OSTM1: variants seen among roughly 807,000 people sequenced by gnomAD.
OSTM1 encodes the protein osteoclastogenesis associated transmembrane protein 1, also known as osteopetrosis-associated transmembrane protein 1.
Under a neutral mutation model 35.4 loss-of-function variants are expected in OSTM1, and 26 were observed. The ratio of observed to expected loss-of-function variants is 0.73; its 90% CI spans 0.54 to 1.02. OSTM1 has a LOEUF of 1.02. Ranked by LOEUF, OSTM1 falls within the 50% of genes least tolerant of loss-of-function variation. The probability of loss-of-function intolerance (pLI) is 0.00; values close to 1 mark genes in which losing one functional copy is unlikely to be tolerated. For missense variants in OSTM1, 366 were observed against 409.6 expected (o/e 0.89, Z 0.92); for synonymous variants, 181 against 165.0 (o/e 1.10, Z -0.75).
intron 2 of OSTM1, among the ~76,000 whole-genome samples, chr6:108,056,361 ACT>A (rs1400130511): frequency 5.9e-5 from 9 of 152,182 alleles, no homozygotes; most frequent in African/African-American, 1.9e-4. Flanking sequence ...TTGAGCCTGC[ACT>A]CTCAAACACT....
intron 1 of OSTM1, among the ~76,000 whole-genome samples, chr6:108,071,654 C>G (rs779915173): frequency 6.6e-6 from 1 of 151,916 alleles, no homozygotes; most frequent in Non-Finnish European, 1.5e-5. Flanking sequence ...ACTCCCAAAC[C>G]AGTCCATATA....
chr6:108,065,360 C>T (rs980074384), intron 1 of OSTM1, among the ~76,000 whole-genome samples: 3 of 151,582 alleles, frequency 2.0e-5, no homozygotes, highest in Non-Finnish European at 2.9e-5. Flanking sequence ...CTGCCTTAGC[C>T]GCCCGAGCAG....
intron 2 of OSTM1, among the ~76,000 whole-genome samples, chr6:108,060,215 A>C (rs977017005): frequency 2.6e-5 from 4 of 152,186 alleles, no homozygotes; most frequent in African/African-American, 9.6e-5. Context: ...AGTAAGTCAT[A>C]TCTAATTGCT....
At chr6:108,057,526 A>G (rs908183995) in intron 2 of OSTM1, among the ~76,000 whole-genome samples, 17 of 152,226 alleles carry the variant, frequency 1.1e-4, no homozygotes, top group African/African-American at 4.1e-4. Context: ...GTGCATTATC[A>G]TGAGAGAGCA....
intron 2 of OSTM1, among the ~76,000 whole-genome samples, chr6:108,063,603 C>A (rs1772324124): frequency 6.6e-6 from 1 of 152,114 alleles, no homozygotes; most frequent in Non-Finnish European, 1.5e-5. Flanking sequence ...CAAAGAATAT[C>A]TAAAAATAGA....
chr6:108,052,106 T>C (rs1772084376), intron 3 of OSTM1, among the ~76,000 whole-genome samples: 1 of 152,188 alleles, frequency 6.6e-6, no homozygotes, highest in South Asian at 2.1e-4. Context: ...AGCCCATTGC[T>C]TGTTTTTCAC....
At chr6:108,062,566 T>C (rs1253680518) in intron 2 of OSTM1, among the ~76,000 whole-genome samples, 1 of 150,226 alleles carries the variant, frequency 6.7e-6, no homozygotes, top group Non-Finnish European at 1.5e-5. Context: ...ATTGTTGTTG[T>C]AGATAGGGTC....
chr6:108,047,909 A>G (rs947285145), intron 5 of OSTM1, among the ~76,000 whole-genome samples: 2 of 152,212 alleles, frequency 1.3e-5, no homozygotes, highest in African/African-American at 4.8e-5. Flanking sequence ...AAGATGCTAA[A>G]CTTTAAAAGT....
At chr6:108,048,201 C>T (rs3800220) in intron 5 of OSTM1, among the ~76,000 whole-genome samples, 1 of 152,002 alleles carries the variant, frequency 6.6e-6, no homozygotes, top group Non-Finnish European at 1.5e-5. Context: ...AAGTAGTGAT[C>T]GAAATTTATA....
Position 108,044,618 on chromosome 6 carries a change from G to A in OSTM1, c.*167C>T, listed in dbSNP as rs1040995803. 2.0e-5 allele frequency: 10 copies of A among 503,918 alleles called. No homozygotes were observed. The highest frequency in any genetic ancestry group is 3.7e-4 in the Middle Eastern group (1 of 2,696). 31.2% of individuals were successfully genotyped at this position (503,918 alleles called of 1,614,324 possible). A position where few individuals can be genotyped will look rare whatever the true frequency, so the allele number is the denominator to read the frequency against. ...AAATATCCAAATCTGTTAGAAAGAA[G>A]TGGAAAAGGAAAGAAAAATCGAAAA... On this transcript the variant is annotated 3_prime_UTR_variant, in exon 6 of 6. Transcript: ENST00000193322.
chr6:108,071,803 T>C (rs1388542745), intron 1 of OSTM1, among the ~76,000 whole-genome samples: 1 of 151,902 alleles, frequency 6.6e-6, no homozygotes, highest in Admixed American at 6.6e-5. Flanking sequence ...ACAAAAAAAG[T>C]TTCCCTGCCT....
At chr6:108,073,282 A>G (rs1447747916) in intron 1 of OSTM1, among the ~76,000 whole-genome samples, 1 of 152,198 alleles carries the variant, frequency 6.6e-6, no homozygotes, top group African/African-American at 2.4e-5. Flanking sequence ...GAACTTTCTC[A>G]TTCTCCAATC....
intron 3 of OSTM1, among the ~76,000 whole-genome samples, chr6:108,051,520 TCATATGCC>T (rs1241212742): frequency 6.6e-6 from 1 of 152,210 alleles, no homozygotes; most frequent in African/African-American, 2.4e-5. Context: ...TAACAATAAT[TCATATGCC>T]AAATGACTAG....
intron 2 of OSTM1, among the ~76,000 whole-genome samples, chr6:108,063,200 G>A (rs1190828946): frequency 6.6e-6 from 1 of 151,904 alleles, no homozygotes; most frequent in African/African-American, 2.4e-5. Flanking sequence ...ATATATTTTT[G>A]TAGAGATGGG....
At chr6:108,052,333 T>A (rs1371439170) in intron 3 of OSTM1, among the ~76,000 whole-genome samples, 1 of 151,036 alleles carries the variant, frequency 6.6e-6, no homozygotes, top group African/African-American at 2.4e-5. Context: ...CTTGGGAGGC[T>A]GAGGCAGGAG....
chr6:108,068,798 T>G (rs186485418), intron 1 of OSTM1, among the ~76,000 whole-genome samples: 3 of 151,664 alleles, frequency 2.0e-5, no homozygotes, highest in Admixed American at 6.6e-5. Flanking sequence ...TTCCACAGAA[T>G]TAAACCTTTC....
At chr6:108,049,118 T>G in intron 5 of OSTM1, 135 bp downstream of exon 5, 1 of 662,490 alleles carries the variant, frequency 1.5e-6, no homozygotes, top group Non-Finnish European at 2.6e-6. Flanking sequence ...TAAGCATGAT[T>G]GTAAAACTTA....
chr6:108,049,332 C>T lies in OSTM1; in HGVS notation c.870G>A (p.Val290=). 6.2e-7 allele frequency: 1 copy of T among 1,613,150 alleles called. No individual in the cohort carries two copies. The highest frequency in any genetic ancestry group is 8.5e-7 in the Non-Finnish European group (1 of 1,179,250). The change falls in exon 5 of 6, where the codon GTG becomes GTA. Residue 290 remains valine, a synonymous_variant. Transcript: ENST00000193322. ...SDTVPVIAVS[V]FILFLPVVFY... is the part of the protein sequence containing the mutation. ...AGACAACAGGTAGAAAGAGAATGAA[C>T]ACAGAAACAGCAATTACAGGCACTG...
At chr6:108,073,008 C>T (rs942649214) in intron 1 of OSTM1, among the ~76,000 whole-genome samples, 2 of 152,172 alleles carry the variant, frequency 1.3e-5, no homozygotes, top group Admixed American at 6.5e-5. Context: ...GGGGGTTTCA[C>T]CATGTTGGCC....
Sources: gnomAD v4.1 joint callset for allele counts (sites outside exome capture counted in the v4.1 genomes callset) on GRCh38, gnomAD v4.1.1 for gene constraint, MANE v1.5 for transcripts, NCBI Gene and HGNC (gene_info 2026-07-23, HGNC 2026-07-21) for gene names.